Variants in PLEKHA3 observed in about 807,000 individuals in gnomAD.
PLEKHA3 encodes the protein pleckstrin homology domain containing A3, also known as pleckstrin homology domain-containing family A member 3.
PLEKHA3 carries 19 observed loss-of-function variants against 39.2 expected under a neutral mutation model. The observed-to-expected ratio is 0.48, with a 90% CI of 0.34 to 0.71. PLEKHA3 has a LOEUF of 0.71. Ranked by LOEUF, PLEKHA3 falls within the 30% of genes least tolerant of loss-of-function variation. The pLI is 0.01. For synonymous variants in PLEKHA3, 97 were observed against 118.6 expected (o/e 0.82, Z 1.18); for missense variants, 253 against 359.5 (o/e 0.70, Z 2.40).
chr2:178,488,567 TTTG>T (rs909537506), intron 2 of PLEKHA3, among the ~76,000 whole-genome samples: 16 of 152,140 alleles, frequency 1.1e-4, no homozygotes, highest in South Asian at 2.1e-4. Flanking sequence ...TGGCCCTGTT[TTTG>T]TTGTTGTTGT....
chr2:178,489,451 C>CT (rs71023445), intron 2 of PLEKHA3, among the ~76,000 whole-genome samples: 4,651 of 82,272 alleles, frequency 0.057, 344 homozygotes, highest in African/African-American at 0.12. Flanking sequence ...TCTTTTCCTT[C>CT]TTTTTTTTTT....
At position 178,504,045 on chromosome 2, in the gene PLEKHA3, GTATTT is replaced by G; in HGVS notation, c.*162_*166del. 1.5e-6 allele frequency: 1 copy of G among 676,578 alleles called. No homozygotes were observed. Among genetic ancestry groups the G allele is most frequent in the Non-Finnish European group, 2.3e-6 (1 of 435,118 alleles). 41.9% of individuals were successfully genotyped at this position (676,578 alleles called of 1,614,324 possible). Reference sequence around the variant, plus strand: ...AAAACAAACCACATACTTTTGAAGTGTATTTTATCTTTATATAGTTTGTTTGCAAG... The same window carrying G: ...AAAACAAACCACATACTTTTGAAGTGTATCTTTATATAGTTTGTTTGCAAG... On this transcript the variant is annotated 3_prime_UTR_variant, in exon 8 of 8. Transcript: ENST00000234453.
At position 178,485,755 on chromosome 2, in the gene PLEKHA3, A is replaced by G. The variant is rs760595325; in HGVS notation, c.155A>G (p.Lys52Arg). The change falls in exon 2 of 8, where the codon AAA (lysine) becomes AGA (arginine). Residue 52 changes from lysine (K) to arginine (R), a missense_variant and splice_region_variant. By Grantham distance (26) the Lys-to-Arg change is conservative (BLOSUM62 2). Coordinates refer to ENST00000234453, the MANE Select transcript of PLEKHA3 (RefSeq NM_019091.4). ...ATAAAGATGGCAGTTTGTGAAATTA[A>G]AGGTAAGTGAATATACAGAATTAGA... ...GSIKMAVCEI[K>R]VHSADNTRME... 3.8e-6 allele frequency: 6 copies of G among 1,599,716 alleles called. No homozygotes were observed. The highest frequency in any genetic ancestry group is 5.1e-6 in the Non-Finnish European group (6 of 1,166,978).
At chr2:178,493,054 C>T (rs1352543398) in intron 3 of PLEKHA3, among the ~76,000 whole-genome samples, 2 of 152,052 alleles carry the variant, frequency 1.3e-5, no homozygotes, top group African/African-American at 4.8e-5. Context: ...GTGGCTAGGA[C>T]CAGAGAGCAA....
intron 5 of PLEKHA3, among the ~76,000 whole-genome samples, chr2:178,497,123 T>C (rs1685461905): frequency 6.6e-6 from 1 of 151,832 alleles, no homozygotes; most frequent in East Asian, 1.9e-4. Context: ...ATTATGAATC[T>C]CTGAGAGGTG....
intron 4 of PLEKHA3, 42 bp downstream of exon 4, chr2:178,494,031 A>C (rs749115873): frequency 5.9e-5 from 94 of 1,600,868 alleles, no homozygotes; most frequent in Non-Finnish European, 7.7e-5. Context: ...TATGCTTTGG[A>C]GTACTCTGGG....
At chr2:178,484,902 A>C (rs1685222354) in intron 1 of PLEKHA3, among the ~76,000 whole-genome samples, 1 of 152,212 alleles carries the variant, frequency 6.6e-6, no homozygotes, top group African/African-American at 2.4e-5. Context: ...TCACTGAATA[A>C]ATATCAATCG....
At position 178,514,787 on chromosome 2, in the gene PLEKHA3, G is replaced by C. The variant is rs1274992341; in HGVS notation, c.*10900G>C. 1 of 151,948 alleles carries C rather than the reference G, an allele frequency of 6.6e-6. No individual in the cohort carries two copies. Among genetic ancestry groups the C allele is most frequent in the Non-Finnish European group, 1.5e-5 (1 of 68,008 alleles). The allele number at this position is 151,948 out of a possible 1,614,324, so 9.4% of individuals were successfully genotyped here. On this transcript the variant is annotated 3_prime_UTR_variant, in exon 8 of 8. Coordinates refer to ENST00000234453, the MANE Select transcript of PLEKHA3 (RefSeq NM_019091.4). ...TTTTGATCACCCTTAGTCATCACTGGAGAGAAGAGTTTGAATTCATTTGTG... is the reference window on the plus strand; with the variant it reads ...TTTTGATCACCCTTAGTCATCACTGCAGAGAAGAGTTTGAATTCATTTGTG...
rs1685493969 is a variant in PLEKHA3, at chr2:178,499,250, G to A, written c.655G>A (p.Glu219Lys). ...CAGCCACCCTGGTTCTTGCAGTTCA[G>A]AGAGGTAAAAGAACCTTTTCTTCTG... ...SVSHPGSCSS[E>K]RSSHSIKEPV... Residue 219 changes from glutamate (E) to lysine (K), a missense_variant, in exon 6 of 8, where the codon GAG (glutamate) becomes AAG (lysine). Glu to Lys is a moderately conservative substitution (Grantham distance 56, BLOSUM62 1). This residue lies in a region of PLEKHA3 where 127 missense variants were observed against 136.8 expected (regional missense o/e 0.93). Transcript: ENST00000234453. The A allele has an allele frequency of 3.1e-6, 5 of 1,610,868 alleles. No homozygotes were observed. The East Asian group carries it at 1.1e-4, about 36-fold the overall frequency.
chr2:178,487,016 A>G (rs1225006463), intron 2 of PLEKHA3, among the ~76,000 whole-genome samples: 1 of 152,248 alleles, frequency 6.6e-6, no homozygotes, highest in Non-Finnish European at 1.5e-5. Flanking sequence ...AGATTTAGGG[A>G]CTATTGCATT....
Position 178,480,810 on chromosome 2 carries a change from C to T in PLEKHA3, c.-60C>T. 1.5e-6 allele frequency: 2 copies of T among 1,302,372 alleles called. No homozygotes were observed. Among genetic ancestry groups the T allele is most frequent in the Middle Eastern group, 2.0e-4 (1 of 4,886 alleles). The allele number at this position is 1,302,372 out of a possible 1,614,324, so 80.7% of individuals were successfully genotyped here. On this transcript the variant is annotated 5_prime_UTR_variant, in exon 1 of 8. Transcript: ENST00000234453. ...GGAGGGGCTGCCCCAGGCCCTGCGC[C>T]TACCCCATCACCGCGGCCGGCGCCG... is the stretch of plus-strand genomic sequence containing the variant.
intron 1 of PLEKHA3, among the ~76,000 whole-genome samples, chr2:178,483,438 T>C (rs1685204080): frequency 6.6e-6 from 1 of 152,218 alleles, no homozygotes; most frequent in Non-Finnish European, 1.5e-5. Context: ...AGAAATTGTT[T>C]TATTAAATAT....
rs551688076 is a variant in PLEKHA3 at position 178,490,181 on chromosome 2, A to G, written c.158-478A>G. ...ATACATGCCTTCCATGTGTTATGCT[A>G]TGATCCATAATTAAGGGCATATCAT... is the stretch of plus-strand genomic sequence containing the variant. On this transcript the variant is annotated intron_variant, in intron 2 of 7. Transcript: ENST00000234453. 3.0e-4 allele frequency among the ~76,000 whole-genome samples: 45 copies of G among 152,344 alleles called. No individual in the cohort carries two copies. The South Asian group carries it at 9.1e-3, about 31-fold the overall frequency.
In PLEKHA3 at chr2:178,495,551, C is replaced by T. The variant is rs777996129; in HGVS notation, c.506C>T (p.Thr169Met). ...GCCACGTGTAACACATTCATCACAA[C>T]GCTTGAGGAATGTGTGAAGATAGCC... Reference protein sequence around the residue: ...LSATCNTFITTLEECVKIANA... With the variant: ...LSATCNTFITMLEECVKIANA... The change falls in exon 5 of 8, where the codon ACG becomes ATG. Residue 169 changes from threonine to methionine, a missense_variant. Physicochemically the swap from Thr to Met is moderately conservative, Grantham distance 81. This residue lies in a region of PLEKHA3 where 126 missense variants were observed against 222.7 expected (regional missense o/e 0.57). Coordinates refer to ENST00000234453, the MANE Select transcript of PLEKHA3 (RefSeq NM_019091.4). The T allele has an allele frequency of 1.9e-6, 3 of 1,614,102 alleles. No individual in the cohort carries two copies. Among genetic ancestry groups the T allele is most frequent in the Non-Finnish European group, 1.7e-6 (2 of 1,179,970 alleles).
rs574098895 is a variant in PLEKHA3 at position 178,480,967 on chromosome 2, G to A, written c.40+58G>A. 1.0e-5 allele frequency: 13 copies of A among 1,290,414 alleles called. No homozygotes were observed. In the South Asian group the frequency reaches 3.2e-4, roughly 32 times the overall value. 79.9% of individuals were successfully genotyped at this position (1,290,414 alleles called of 1,614,324 possible). On this transcript the variant is annotated intron_variant, in intron 1 of 7. Coordinates refer to ENST00000234453, the MANE Select transcript of PLEKHA3 (RefSeq NM_019091.4). Reference sequence around the variant, plus strand: ...AGAGGCGGGGGGCTGCTGAGAAGGCGGGTCGGGGCTCCTCTTCCTCCGTCT... The same window carrying A: ...AGAGGCGGGGGGCTGCTGAGAAGGCAGGTCGGGGCTCCTCTTCCTCCGTCT...
At chr2:178,499,097 A>G in intron 5 of PLEKHA3, 114 bp from the exon 6 acceptor site, 1 of 1,008,534 alleles carries the variant, frequency 9.9e-7, no homozygotes, top group Non-Finnish European at 1.4e-6. Flanking sequence ...TTTGCCAGTT[A>G]TCTTTTTCTC....
intron 5 of PLEKHA3, 80 bp downstream of exon 5, chr2:178,495,740 A>T: frequency 6.8e-7 from 1 of 1,460,020 alleles, no homozygotes; most frequent in Non-Finnish European, 9.3e-7. Flanking sequence ...ATTTATTTTT[A>T]AGGGTGGAAG....
rs1035569605 is a variant in PLEKHA3, at chr2:178,509,342, A to G, written c.*5455A>G. ...TTAATTCATATGGTTTTACTGTACT[A>G]CCTACCTCATAGGGTTGTGAGGATT... On this transcript the variant is annotated 3_prime_UTR_variant, in exon 8 of 8. Coordinates refer to ENST00000234453, the MANE Select transcript of PLEKHA3 (RefSeq NM_019091.4). 2 of 152,178 alleles carry G rather than the reference A, an allele frequency of 1.3e-5. No individual in the cohort carries two copies. Among genetic ancestry groups the G allele is most frequent in the African/African-American group, 4.8e-5 (2 of 41,450 alleles). The allele number at this position is 152,178 out of a possible 1,614,324, so 9.4% of individuals were successfully genotyped here.
At position 178,508,232 on chromosome 2, in the gene PLEKHA3, AT is replaced by A. The variant is rs1461623295; in HGVS notation, c.*4346del. 6.5e-6 allele frequency: 1 copy of A among 152,994 alleles called. No individual in the cohort carries two copies. The highest frequency in any genetic ancestry group is 1.5e-5 in the Non-Finnish European group (1 of 67,858). The allele number at this position is 152,994 out of a possible 1,614,324, so 9.5% of individuals were successfully genotyped here. A position where few individuals can be genotyped will look rare whatever the true frequency, so the allele number is the denominator to read the frequency against. ...CTCTAGTTGTTCCTTAAGTTATATT[AT>A]CTTTGTTCTTTTTGTTATCCTCCAG... On this transcript the variant is annotated 3_prime_UTR_variant, in exon 8 of 8. Coordinates refer to ENST00000234453, the MANE Select transcript of PLEKHA3 (RefSeq NM_019091.4).
Sources: gnomAD v4.1 joint callset for allele counts (sites outside exome capture counted in the v4.1 genomes callset) on GRCh38, gnomAD v4.1.1 for gene constraint, gnomAD v4.1.1 regional missense constraint, MANE v1.5 for transcripts, NCBI Gene and HGNC (gene_info 2026-07-23, HGNC 2026-07-21) for gene names.